The following RBM26 variants were observed in gnomAD, a reference collection of about 807,000 sequenced individuals.
RBM26 encodes RNA-binding protein 26.
A neutral mutation model predicts 123.6 loss-of-function variants in RBM26; 30 were observed. That is an observed-to-expected ratio of 0.24 (90% confidence interval 0.18 to 0.33). RBM26 has a LOEUF of 0.33. Ranked by LOEUF, RBM26 falls within the 10% of genes least tolerant of loss-of-function variation. The pLI is 1.00. For missense variants in RBM26, 947 were observed against 1,203.6 expected, an observed-to-expected ratio of 0.79 and a Z score of 3.15; for synonymous variants, 400 against 404.4, an observed-to-expected ratio of 0.99 and a Z score of 0.13.
chr13:79,389,543 T>C (rs748564850), intron 1 of RBM26: 6 of 152,200 alleles, frequency 3.9e-5, no homozygotes, highest in Non-Finnish European at 8.8e-5. Context: ...TAAACTATAG[T>C]CTCTCATCCA....
Position 79,337,307 on chromosome 13 carries a change from A to T in RBM26, c.2533-5T>A. ...AAGAATCCCTCGTTTGGCAGCCTAG[A>T]AGAGATTAGACACACAGGTTAAACA... On this transcript the variant is annotated splice_region_variant and splice_polypyrimidine_tract_variant and intron_variant, in intron 18 of 21. Coordinates refer to ENST00000438737, the MANE Select transcript of RBM26 (RefSeq NM_001366735.2). 1 of 1,614,110 alleles carries T rather than the reference A, an allele frequency of 6.2e-7. No individual in the cohort carries two copies. Among genetic ancestry groups the T allele is most frequent in the Non-Finnish European group, 8.5e-7 (1 of 1,179,996 alleles).
intron 20 of RBM26, among the ~76,000 whole-genome samples, chr13:79,328,683 T>TGAA (rs774284573): frequency 5.2e-5 from 2 of 38,480 alleles, no homozygotes; most frequent in African/African-American, 1.1e-4. Context: ...CTGCATTAAG[T>TGAA]AAAAAAAAAA....
intron 1 of RBM26, among the ~76,000 whole-genome samples, chr13:79,380,377 G>C (rs1425748610): frequency 6.6e-6 from 1 of 151,940 alleles, no homozygotes; most frequent in Admixed American, 6.6e-5. Context: ...ATTTGTGTTG[G>C]GGGAGAAGAG....
At chr13:79,340,660 TTC>T (rs1012184390) in intron 18 of RBM26, among the ~76,000 whole-genome samples, 12 of 152,028 alleles carry the variant, frequency 7.9e-5, no homozygotes, top group African/African-American at 2.9e-4. Context: ...AGAAGTTTAT[TTC>T]TCTTTTCTAA....
chr13:79,331,135 C>T (rs983191255), intron 20 of RBM26, among the ~76,000 whole-genome samples: 1 of 152,070 alleles, frequency 6.6e-6, no homozygotes, highest in Admixed American at 6.5e-5. Flanking sequence ...CTTAGCCTCG[C>T]AAACAGCTGG....
intron 2 of RBM26, among the ~76,000 whole-genome samples, chr13:79,377,927 CAAA>C (rs5805027): frequency 6.8e-6 from 1 of 148,112 alleles, no homozygotes; most frequent in Admixed American, 6.7e-5. Context: ...GACTCCGTCT[CAAA>C]AAAAAAAAAG....
intron 5 of RBM26, among the ~76,000 whole-genome samples, chr13:79,369,727 G>T (rs2075688074): frequency 6.6e-6 from 1 of 152,074 alleles, no homozygotes; most frequent in Non-Finnish European, 1.5e-5. Flanking sequence ...ATACATGTTG[G>T]GAATGACACG....
At chr13:79,340,762 C>A (rs1330353837) in intron 18 of RBM26, among the ~76,000 whole-genome samples, 1 of 151,952 alleles carries the variant, frequency 6.6e-6, no homozygotes, top group African/African-American at 2.4e-5. Context: ...AACTCGCATA[C>A]AGCAACTCAA....
chr13:79,340,358 A>G (rs1295624415), intron 18 of RBM26, among the ~76,000 whole-genome samples: 1 of 152,066 alleles, frequency 6.6e-6, no homozygotes, highest in Non-Finnish European at 1.5e-5. Context: ...TATTCAAAAC[A>G]GATTTCTACC....
chr13:79,389,367 C>T (rs1279135616), intron 1 of RBM26, among the ~76,000 whole-genome samples: 1 of 151,900 alleles, frequency 6.6e-6, no homozygotes. Flanking sequence ...ATAAAGCAAA[C>T]ATACACATAG....
In RBM26 at chr13:79,371,014, T is replaced by C; in HGVS notation, c.565A>G (p.Lys189Glu). The change falls in exon 5 of 22, where the codon AAA (lysine) becomes GAA (glutamate). Residue 189 changes from lysine (K) to glutamate (E), a missense_variant. Transcript: ENST00000438737. ...YSRSRSRSWS[K>E]ERLRERDRDR... ...CTGTCCCTCTCACGAAGCCTCTCTT[T>C]ACTCCAACTTCGACTTCGACTCCTG... 6.2e-7 allele frequency: 1 copy of C among 1,606,236 alleles called. No individual in the cohort carries two copies. The highest frequency in any genetic ancestry group is 8.5e-7 in the Non-Finnish European group (1 of 1,172,746).
chr13:79,339,477 A>C (rs967045898), intron 18 of RBM26, among the ~76,000 whole-genome samples: 7 of 152,202 alleles, frequency 4.6e-5, no homozygotes, highest in African/African-American at 7.2e-5. Context: ...AGCTTGACGT[A>C]ATCAATTCAC....
chr13:79,375,074 TATG>T lies in RBM26; in HGVS notation c.327+2302_327+2304del, dbSNP rs372662098. Among the ~76,000 whole-genome samples the T allele has an allele frequency of 2.2e-3, 255 of 118,002 alleles. 2 individuals are homozygous for T. Among genetic ancestry groups the T allele is most frequent in the African/African-American group, 7.5e-3 (223 of 29,916 alleles). 77.4% of individuals were successfully genotyped at this position (118,002 alleles called of 152,430 possible). A position where few individuals can be genotyped will look rare whatever the true frequency, so the allele number is the denominator to read the frequency against. The stretch of plus-strand genomic sequence containing the variant: ...ATATATTTATATTTTTATATATTTA[TATG>T]ATATATATAAATATATATTTATATA... On this transcript the variant is annotated intron_variant, in intron 3 of 21. Coordinates refer to ENST00000438737, the MANE Select transcript of RBM26 (RefSeq NM_001366735.2).
chr13:79,387,404 T>G lies in RBM26; in HGVS notation c.72-8497A>C, dbSNP rs1385571897. On this transcript the variant is annotated intron_variant, in intron 1 of 21. Coordinates refer to ENST00000438737, the MANE Select transcript of RBM26 (RefSeq NM_001366735.2). The stretch of plus-strand genomic sequence containing the variant: ...CCTACTTTGTCCCAAGCCAAATTGT[T>G]AGCCTTTCCATGAAGCAGTCTGGTA... 2.0e-5 allele frequency among the ~76,000 whole-genome samples: 3 copies of G among 152,292 alleles called. No homozygotes were observed. In the East Asian group the frequency reaches 5.8e-4, roughly 29 times the overall value.
chr13:79,357,740 T>C (rs550001445), intron 11 of RBM26, among the ~76,000 whole-genome samples: 7 of 152,322 alleles, frequency 4.6e-5, no homozygotes, highest in African/African-American at 1.7e-4. Context: ...ACCAGTGTGA[T>C]TAACTTTGCT....
Position 79,371,921 on chromosome 13 carries a change from C to G in RBM26, c.337G>C (p.Glu113Gln). ...KDIKKEEITK[E>Q]EEREKKFSRR... ...GAAAACTTCTTCTCTCGCTCTTCCT[C>G]CTTAGTGATCTGATTAAAAAAAAAA... Residue 113 changes from glutamate to glutamine, a missense_variant, in exon 4 of 22, where the codon GAG (glutamate) becomes CAG (glutamine). Around this residue, in one of 5 missense-constraint regions of RBM26, gnomAD observed 275 missense variants for 361.0 expected, o/e 0.76. Transcript: ENST00000438737. The G allele has an allele frequency of 6.3e-7, 1 of 1,598,822 alleles. No individual in the cohort carries two copies. Among genetic ancestry groups the G allele is most frequent in the Non-Finnish European group, 8.6e-7 (1 of 1,169,518 alleles).
At chr13:79,365,378 G>C (rs1287518876) in intron 9 of RBM26, among the ~76,000 whole-genome samples, 200 bp downstream of exon 9, 1 of 152,166 alleles carries the variant, frequency 6.6e-6, no homozygotes, top group African/African-American at 2.4e-5. Context: ...GGGAGGCAAA[G>C]GTTAGAGTGA....
In RBM26 at chr13:79,366,060, G is replaced by A; in HGVS notation, c.1271C>T (p.Thr424Ile). ...AAAAAGGGCCAAAACTGCACCTGCAGTAAAAAGAGAGGGTGGAGCAGGAGG... is the reference window on the plus strand; with the variant it reads ...AAAAAGGGCCAAAACTGCACCTGCAATAAAAAGAGAGGGTGGAGCAGGAGG... Reference protein sequence around the residue: ...QPPPAPPSLFTADTYDTDGYN... With the variant: ...QPPPAPPSLFIADTYDTDGYN... The change falls in exon 8 of 22, where the codon ACT (threonine) becomes ATT (isoleucine). Residue 424 changes from threonine (T) to isoleucine (I), a missense_variant. Thr to Ile is a moderately conservative substitution (Grantham distance 89). Transcript: ENST00000438737. 1 of 1,613,746 alleles carries A rather than the reference G, an allele frequency of 6.2e-7. No homozygotes were observed. Among genetic ancestry groups the A allele is most frequent in the Non-Finnish European group, 8.5e-7 (1 of 1,179,822 alleles).
intron 1 of RBM26, among the ~76,000 whole-genome samples, chr13:79,381,816 T>C (rs2077093022): frequency 6.6e-6 from 1 of 152,056 alleles, no homozygotes; most frequent in African/African-American, 2.4e-5. Context: ...AAAAAACGAT[T>C]AGCCACAACA....
Sources: allele counts gnomAD v4.1 joint callset (sites outside exome capture counted in the v4.1 genomes callset), GRCh38; gene constraint gnomAD v4.1.1; regional missense constraint gnomAD v4.1.1; transcripts MANE v1.5; gene names NCBI Gene and HGNC (gene_info 2026-07-23, HGNC 2026-07-21).